Variants in NR2F1-AS1 observed in about 807,000 individuals in gnomAD.
NR2F1-AS1 encodes NR2F1 antisense RNA 1.
intron 4 of NR2F1-AS1, among the ~76,000 whole-genome samples, chr5:93,553,394 A>G (rs1473994583): frequency 2.0e-5 from 3 of 152,126 alleles, no homozygotes; most frequent in African/African-American, 4.8e-5. Context: ...GCCTAGTAAT[A>G]TATTTTTAAA....
At chr5:93,503,826 T>C (rs1313311285) in intron 4 of NR2F1-AS1, among the ~76,000 whole-genome samples, 1 of 152,236 alleles carries the variant, frequency 6.6e-6, no homozygotes, top group Non-Finnish European at 1.5e-5. Flanking sequence ...GGCTTGTGGC[T>C]GGTTTCCTCC....
chr5:93,568,765 A>G (rs938973618), intron 1 of NR2F1-AS1, among the ~76,000 whole-genome samples: 1 of 152,170 alleles, frequency 6.6e-6, no homozygotes, highest in Non-Finnish European at 1.5e-5. Flanking sequence ...TGATTTAATA[A>G]GGTTAGAAGA....
At chr5:93,533,358 T>G (rs1292918063) in intron 4 of NR2F1-AS1, among the ~76,000 whole-genome samples, 1 of 152,126 alleles carries the variant, frequency 6.6e-6, no homozygotes, top group Non-Finnish European at 1.5e-5. Flanking sequence ...CTAGCCGCAC[T>G]CAAAACATAA....
chr5:93,472,657 T>C (rs187492404), intron 4 of NR2F1-AS1, among the ~76,000 whole-genome samples: 7 of 151,738 alleles, frequency 4.6e-5, no homozygotes. Flanking sequence ...TATTCACATA[T>C]ATACAAAAAA....
chr5:93,548,722 T>C (rs1171075197), intron 4 of NR2F1-AS1, among the ~76,000 whole-genome samples: 1 of 150,188 alleles, frequency 6.7e-6, no homozygotes, highest in Non-Finnish European at 1.5e-5. Flanking sequence ...AAAAAAAAAA[T>C]TGACTGGGTG....
intron 4 of NR2F1-AS1, among the ~76,000 whole-genome samples, chr5:93,529,533 T>C (rs1389821058): frequency 6.6e-6 from 1 of 152,114 alleles, no homozygotes; most frequent in East Asian, 1.9e-4. Flanking sequence ...ACTCTCTTCA[T>C]CTCTTTTCCT....
chr5:93,504,015 G>A (rs1360486842), intron 4 of NR2F1-AS1, among the ~76,000 whole-genome samples: 1 of 151,872 alleles, frequency 6.6e-6, no homozygotes, highest in African/African-American at 2.4e-5. Flanking sequence ...CTAATAAGCT[G>A]GTTTCCTCAA....
intron 4 of NR2F1-AS1, among the ~76,000 whole-genome samples, chr5:93,512,697 AT>A (rs556919749): frequency 5.6e-4 from 85 of 152,164 alleles, no homozygotes; most frequent in Admixed American, 2.0e-3. Context: ...TTTATGCTGT[AT>A]TTTTATCGTA....
At chr5:93,419,355 T>C (rs779854417) in intron 4 of NR2F1-AS1, among the ~76,000 whole-genome samples, 1 of 152,246 alleles carries the variant, frequency 6.6e-6, no homozygotes, top group Non-Finnish European at 1.5e-5. Context: ...TTTGTAACTA[T>C]AAATATGTAG....
chr5:93,488,496 CTCA>C (rs1335253399), intron 4 of NR2F1-AS1, among the ~76,000 whole-genome samples: 2 of 152,310 alleles, frequency 1.3e-5, no homozygotes, highest in Non-Finnish European at 2.9e-5. Context: ...TGAAGAAAAG[CTCA>C]TCATCACTGG....
intron 4 of NR2F1-AS1, among the ~76,000 whole-genome samples, chr5:93,513,384 T>C (rs1751340611): frequency 6.6e-6 from 1 of 152,044 alleles, no homozygotes; most frequent in African/African-American, 2.4e-5. Flanking sequence ...CGCAGCACCA[T>C]CCACAATATC....
intron 4 of NR2F1-AS1, among the ~76,000 whole-genome samples, chr5:93,493,090 TA>T (rs1750885807): frequency 6.6e-6 from 1 of 152,068 alleles, no homozygotes; most frequent in Non-Finnish European, 1.5e-5. Context: ...ATGACACCTT[TA>T]GAAGTACAAA....
At chr5:93,548,713 A>C (rs1752151331) in intron 4 of NR2F1-AS1, among the ~76,000 whole-genome samples, 1 of 152,042 alleles carries the variant, frequency 6.6e-6, no homozygotes, top group Non-Finnish European at 1.5e-5. Context: ...AAATACAAAA[A>C]AAAAAAAATT....
intron 3 of NR2F1-AS1, among the ~76,000 whole-genome samples, chr5:93,554,128 C>G (rs1307392616): frequency 6.6e-6 from 1 of 152,120 alleles, no homozygotes; most frequent in Non-Finnish European, 1.5e-5. Flanking sequence ...TCTCAGCTAT[C>G]TTAACTAAAA....
At chr5:93,494,494 T>A (rs1750918550) in intron 4 of NR2F1-AS1, among the ~76,000 whole-genome samples, 1 of 152,060 alleles carries the variant, frequency 6.6e-6, no homozygotes. Flanking sequence ...TAACCAGGAA[T>A]GGTGGTGTGT....
chr5:93,558,269 CA>C (rs1752406701), intron 2 of NR2F1-AS1, among the ~76,000 whole-genome samples: 1 of 151,796 alleles, frequency 6.6e-6, no homozygotes, highest in East Asian at 1.9e-4. Context: ...TGCCCAGATG[CA>C]TCAGAGGAAT....
chr5:93,552,556 C>T (rs1029071966), intron 4 of NR2F1-AS1, among the ~76,000 whole-genome samples: 2 of 151,920 alleles, frequency 1.3e-5, no homozygotes, highest in Non-Finnish European at 2.9e-5. Flanking sequence ...GATAAGGATC[C>T]TCTTCCTCAT....
At chr5:93,432,270 T>A (rs1470829083) in intron 4 of NR2F1-AS1, 1 of 152,164 alleles carries the variant, frequency 6.6e-6, no homozygotes, top group Non-Finnish European at 1.5e-5. Flanking sequence ...ACCCGATGAT[T>A]TCAATGAAAA....
At chr5:93,422,937 C>T (rs1285323303) in intron 4 of NR2F1-AS1, among the ~76,000 whole-genome samples, 1 of 152,154 alleles carries the variant, frequency 6.6e-6, no homozygotes, top group African/African-American at 2.4e-5. Context: ...CAGCCCCTAC[C>T]CCAGCGGCTG....
Sources: gnomAD v4.1 joint callset for allele counts (sites outside exome capture counted in the v4.1 genomes callset) on GRCh38, gnomAD v4.1.1 for gene constraint, MANE v1.5 for transcripts, NCBI Gene and HGNC (gene_info 2026-07-23, HGNC 2026-07-21) for gene names.